Variants in ADAMTS16 observed in about 807,000 individuals in gnomAD.
ADAMTS16 encodes ADAM metallopeptidase with thrombospondin type 1 motif 16.
Under a neutral mutation model 145.8 loss-of-function variants are expected in ADAMTS16, and 94 were observed. The ratio of observed to expected loss-of-function variants is 0.64; its 90% CI spans 0.55 to 0.77. The LOEUF (loss-of-function observed/expected upper bound fraction) is 0.77, where lower values mean the gene tolerates loss of function less well. Among genes scored for constraint, ADAMTS16 ranks in the 30% least tolerant of loss-of-function variants. The pLI, the probability that ADAMTS16 is intolerant of heterozygous loss-of-function variation, is 0.00. For missense variants in ADAMTS16, 1,585 were observed against 1,591.5 expected (o/e 1.00, Z 0.07); for synonymous variants, 659 against 604.3 (o/e 1.09, Z -1.33).
rs746052992 is a variant in ADAMTS16, at chr5:5,190,176, C to A, written c.1207+46C>A. On this transcript the variant is annotated intron_variant, in intron 7 of 22. Transcript: ENST00000274181. ...GTGAGGACCGTGTGTGGAATGTGCACCCCTGGCCGTGACACAGTGTTGAGT... is the reference window on the plus strand; with the variant it reads ...GTGAGGACCGTGTGTGGAATGTGCAACCCTGGCCGTGACACAGTGTTGAGT... 3.0e-5 allele frequency: 46 copies of A among 1,508,668 alleles called. 1 individual carries two copies. In the Middle Eastern group the frequency reaches 1.4e-3, roughly 45 times the overall value. 93.5% of individuals were successfully genotyped at this position (1,508,668 alleles called of 1,614,324 possible). A position where few individuals can be genotyped will look rare whatever the true frequency, so the allele number is the denominator to read the frequency against.
At chr5:5,256,602 C>T (rs1560971551) in intron 17 of ADAMTS16, among the ~76,000 whole-genome samples, 1 of 152,148 alleles carries the variant, frequency 6.6e-6, no homozygotes, top group Non-Finnish European at 1.5e-5. Flanking sequence ...AAACAAATGT[C>T]TCCAATAAGA....
intron 9 of ADAMTS16, among the ~76,000 whole-genome samples, chr5:5,200,812 T>C (rs1735933797): frequency 6.6e-6 from 1 of 152,176 alleles, no homozygotes. Flanking sequence ...TCTAATATTC[T>C]GTAATCTTCA....
intron 8 of ADAMTS16, among the ~76,000 whole-genome samples, chr5:5,199,755 A>C (rs1255373279): frequency 6.6e-6 from 1 of 152,158 alleles, no homozygotes; most frequent in Non-Finnish European, 1.5e-5. Context: ...CTACATTTCT[A>C]ACGAACACCC....
intron 9 of ADAMTS16, 138 bp from the exon 10 acceptor site, chr5:5,208,953 ACT>A: frequency 1.3e-6 from 1 of 785,112 alleles, no homozygotes; most frequent in Non-Finnish European, 2.0e-6. Flanking sequence ...TTATATTGTA[ACT>A]CAGGAGAAAA....
intron 17 of ADAMTS16, among the ~76,000 whole-genome samples, chr5:5,261,709 C>A (rs895707624): frequency 1.3e-5 from 2 of 152,136 alleles, no homozygotes; most frequent in Admixed American, 1.3e-4. Flanking sequence ...TGGCCTCAAT[C>A]CCCTGACCTC....
chr5:5,243,398 C>T (rs996959500), intron 17 of ADAMTS16, among the ~76,000 whole-genome samples: 12 of 152,334 alleles, frequency 7.9e-5, no homozygotes, highest in Non-Finnish European at 1.8e-4. Flanking sequence ...CCAAGTCAGC[C>T]ACCAGTTTAC....
chr5:5,197,726 A>C (rs1735845447), intron 8 of ADAMTS16, among the ~76,000 whole-genome samples: 1 of 152,168 alleles, frequency 6.6e-6, no homozygotes, highest in Non-Finnish European at 1.5e-5. Flanking sequence ...TGACTTTATT[A>C]ATGGTGGTAT....
intron 10 of ADAMTS16, among the ~76,000 whole-genome samples, chr5:5,212,207 TTGTTTTG>T (rs55679701): frequency 0.13 from 17,330 of 133,824 alleles, 2,158 homozygotes; most frequent in East Asian, 0.41. Context: ...TTGTTTTGTT[TTGTTTTG>T]TTTTTTTTTT....
chr5:5,176,110 T>TAATATCAGCTTC (rs1253924025), intron 3 of ADAMTS16: 1 of 152,242 alleles, frequency 6.6e-6, no homozygotes, highest in African/African-American at 2.4e-5. Flanking sequence ...TCTGCCTTCT[T>TAATATCAGCTTC]AATATCAGCT....
intron 17 of ADAMTS16, among the ~76,000 whole-genome samples, chr5:5,253,988 C>A (rs191608090): frequency 1.3e-5 from 2 of 152,334 alleles, no homozygotes; most frequent in East Asian, 3.9e-4. Context: ...TCGCGTGAAT[C>A]TCTGCCTCTA....
chr5:5,173,630 C>T (rs921874523), intron 3 of ADAMTS16, among the ~76,000 whole-genome samples: 4 of 151,938 alleles, frequency 2.6e-5, no homozygotes, highest in African/African-American at 4.8e-5. Flanking sequence ...CCCGCCACCA[C>T]GCCCAGCTAA....
chr5:5,165,451 T>C (rs536654957), intron 3 of ADAMTS16, among the ~76,000 whole-genome samples: 2 of 152,152 alleles, frequency 1.3e-5, no homozygotes, highest in African/African-American at 2.4e-5. Context: ...AATAATATGG[T>C]ATAAAATACC....
chr5:5,305,846 A>C (rs938842284), intron 20 of ADAMTS16, among the ~76,000 whole-genome samples: 4 of 152,208 alleles, frequency 2.6e-5, no homozygotes, highest in Non-Finnish European at 5.9e-5. Flanking sequence ...CTCCGCGCCC[A>C]GTCTGTGGTG....
chr5:5,173,461 T>C (rs1735103110), intron 3 of ADAMTS16, among the ~76,000 whole-genome samples: 1 of 152,036 alleles, frequency 6.6e-6, no homozygotes, highest in Non-Finnish European at 1.5e-5. Flanking sequence ...AAATAATATC[T>C]TATAACTCAT....
Position 5,237,052 on chromosome 5 carries a change from C to A in ADAMTS16, c.2107C>A (p.Pro703Thr). Residue 703 changes from proline (P) to threonine (T), a missense_variant, in exon 14 of 23, where the codon CCA becomes ACA. By Grantham distance (38) the Pro-to-Thr change is conservative. Transcript: ENST00000274181. ...SLSNKVKDGT[P>T]CSEDSRNVCI... ...GTCAAATAAAGTCAAAGATGGGACTCCATGCTCGGAGGATAGCCGTAATGT... is the reference window on the plus strand; with the variant it reads ...GTCAAATAAAGTCAAAGATGGGACTACATGCTCGGAGGATAGCCGTAATGT... 6.2e-7 allele frequency: 1 copy of A among 1,614,124 alleles called. No homozygotes were observed. The highest frequency in any genetic ancestry group is 1.6e-4 in the Middle Eastern group (1 of 6,062).
rs144990837 is a variant in ADAMTS16, at chr5:5,208,234, C to T, written c.1452-859C>T. On this transcript the variant is annotated intron_variant, in intron 9 of 22. Coordinates refer to ENST00000274181, the MANE Select transcript of ADAMTS16 (RefSeq NM_139056.4). ...GTCCTAGAAATGAGCCAGAAATCTT[C>T]CAGTCAAGGTGGACAACCACTCAGA... 3.1e-3 allele frequency among the ~76,000 whole-genome samples: 474 copies of T among 152,238 alleles called. 2 individuals carry two copies. The highest frequency in any genetic ancestry group is 0.011 in the African/African-American group (447 of 41,528).
chr5:5,161,721 C>G (rs1734747584), intron 3 of ADAMTS16, among the ~76,000 whole-genome samples: 1 of 152,154 alleles, frequency 6.6e-6, no homozygotes, highest in African/African-American at 2.4e-5. Context: ...AGCCCACATT[C>G]ACAGCCCTTA....
chr5:5,194,213 T>C (rs1735738214), intron 8 of ADAMTS16, among the ~76,000 whole-genome samples: 1 of 152,164 alleles, frequency 6.6e-6, no homozygotes, highest in Non-Finnish European at 1.5e-5. Flanking sequence ...CTTCTTCAAG[T>C]TCTCTGAGAC....
chr5:5,207,231 T>G (rs908885310), intron 9 of ADAMTS16, among the ~76,000 whole-genome samples: 2 of 152,266 alleles, frequency 1.3e-5, no homozygotes, highest in Admixed American at 6.5e-5. Flanking sequence ...TCATCAGTTT[T>G]GTAGATTTTT....
Sources: gnomAD v4.1 joint callset for allele counts (sites outside exome capture counted in the v4.1 genomes callset) on GRCh38, gnomAD v4.1.1 for gene constraint, MANE v1.5 for transcripts, NCBI Gene and HGNC (gene_info 2026-07-23, HGNC 2026-07-21) for gene names.